Variants in CACNA1B observed in about 807,000 individuals in gnomAD.
CACNA1B encodes the protein voltage-dependent N-type calcium channel subunit alpha-1B.
In CACNA1B, 70 loss-of-function variants were observed where a neutral mutation model predicts 247.2. That is an observed-to-expected ratio of 0.28 (90% CI 0.23 to 0.35). The LOEUF (loss-of-function observed/expected upper bound fraction) is 0.35, where lower values mean the gene tolerates loss of function less well. Ranked by LOEUF, CACNA1B falls within the 10% of genes least tolerant of loss-of-function variation. The pLI is 1.00. For missense variants in CACNA1B, 2,367 were observed against 3,197.4 expected, an observed-to-expected ratio of 0.74 and a Z score of 6.26; for synonymous variants, 1,231 against 1,294.4, an observed-to-expected ratio of 0.95 and a Z score of 1.05.
rs201523224 is a variant in CACNA1B, at chr9:138,059,032, C to T, written c.4474-47C>T. 4 of 1,189,396 alleles carry T rather than the reference C, an allele frequency of 3.4e-6. No homozygotes were observed. The highest frequency in any genetic ancestry group is 5.0e-6 in the Non-Finnish European group (4 of 802,696). 73.7% of individuals were successfully genotyped at this position (1,189,396 alleles called of 1,614,324 possible). A position where few individuals can be genotyped will look rare whatever the true frequency, so the allele number is the denominator to read the frequency against. ...GTCATAGTGGTCCCAGATGGGGTGT[C>T]TTGGGGCTGCCAAACCCATGGCCAA... On this transcript the variant is annotated intron_variant, in intron 29 of 46. Transcript: ENST00000371372. This position sits in a 1 kb window ranked among gnomAD's most constrained non-coding sequence, Gnocchi z 4.2.
chr9:137,986,695 G>A lies in CACNA1B; in HGVS notation c.1902-87G>A, dbSNP rs1436377270. The A allele has an allele frequency of 3.3e-5, 46 of 1,393,986 alleles. No individual in the cohort carries two copies. The highest frequency in any genetic ancestry group is 4.4e-5 in the Non-Finnish European group (43 of 980,736). The allele number at this position is 1,393,986 out of a possible 1,614,324, so 86.4% of individuals were successfully genotyped here. ...TGTGCAGCCATCTGCAGCCTGAAGC[G>A]AGCAGGTTGAGGCCACGCTGGAGCC... On this transcript the variant is annotated intron_variant, in intron 14 of 46. Transcript: ENST00000371372. This position sits in a 1 kb window ranked among gnomAD's most constrained non-coding sequence, Gnocchi z 6.0.
At chr9:137,999,622 A>T (rs1958541195) in intron 15 of CACNA1B, among the ~76,000 whole-genome samples, 1 of 152,022 alleles carries the variant, frequency 6.6e-6, no homozygotes, top group Non-Finnish European at 1.5e-5. Context: ...TGGTCCTCCC[A>T]CCTCAGTCTC....
At chr9:137,934,182 G>A (rs1957638263) in intron 6 of CACNA1B, among the ~76,000 whole-genome samples, 1 of 152,194 alleles carries the variant, frequency 6.6e-6, no homozygotes, top group South Asian at 2.1e-4. Context: ...TGTTCCCACA[G>A]GTTCACAGGT....
intron 3 of CACNA1B, among the ~76,000 whole-genome samples, chr9:137,893,012 T>C (rs1776236064): frequency 6.6e-6 from 1 of 152,194 alleles, no homozygotes; most frequent in African/African-American, 2.4e-5. Context: ...ACTCCGTGTC[T>C]CGCCTGGTGC....
chr9:137,992,713 A>G (rs9969853), intron 15 of CACNA1B, among the ~76,000 whole-genome samples: 1,677 of 152,102 alleles, frequency 0.011, 10 homozygotes, highest in African/African-American at 0.014. Context: ...CGGGAAATTT[A>G]AAAAAATCTA....
chr9:138,042,884 ACT>A (rs1959142681), intron 20 of CACNA1B, among the ~76,000 whole-genome samples: 1 of 151,672 alleles, frequency 6.6e-6, no homozygotes, highest in African/African-American at 2.4e-5. Context: ...TGCTTCTTAA[ACT>A]CCTATTTGCT....
At chr9:137,922,028 T>TGC (rs1417205356) in intron 6 of CACNA1B, among the ~76,000 whole-genome samples, 3 of 138,918 alleles carry the variant, frequency 2.2e-5, no homozygotes, top group Admixed American at 7.2e-5. Flanking sequence ...GAATAAAGCA[T>TGC]TCGGAGAACA....
chr9:138,008,214 C>A (rs1249591274), intron 16 of CACNA1B, among the ~76,000 whole-genome samples: 1 of 152,210 alleles, frequency 6.6e-6, no homozygotes, highest in Admixed American at 6.5e-5. Context: ...GGGACGGAAG[C>A]CTCAGACAGG....
In CACNA1B at chr9:137,977,513, A is replaced by C. The variant is rs1415934679; in HGVS notation, c.1656+1494A>C. ...GGAGGCCTTGGAGGCAGTGTGTTTC[A>C]CAGCTTACCATGACAGCTGAGCACA... On this transcript the variant is annotated intron_variant, in intron 12 of 46. Transcript: ENST00000371372. 5.4e-3 allele frequency among the ~76,000 whole-genome samples: 448 copies of C among 83,708 alleles called. 2 individuals are homozygous for C. The highest frequency in any genetic ancestry group is 0.011 in the Middle Eastern group (1 of 88). The allele number at this position is 83,708 out of a possible 152,430, so 54.9% of individuals were successfully genotyped here. A position where few individuals can be genotyped will look rare whatever the true frequency, so the allele number is the denominator to read the frequency against.
intron 31 of CACNA1B, among the ~76,000 whole-genome samples, chr9:138,060,796 T>C (rs1318258641): frequency 6.6e-6 from 1 of 152,232 alleles, no homozygotes; most frequent in African/African-American, 2.4e-5. Flanking sequence ...GTGCTGGTCA[T>C]GGTCTCTGGG....
Position 138,012,714 on chromosome 9 carries a change from TA to T in CACNA1B, c.2161-401del, listed in dbSNP as rs1234995951. On this transcript the variant is annotated intron_variant, in intron 17 of 46. Coordinates refer to ENST00000371372, the MANE Select transcript of CACNA1B (RefSeq NM_000718.4). This position sits in a 1 kb window ranked among gnomAD's most constrained non-coding sequence, Gnocchi z 4.2. The stretch of plus-strand genomic sequence containing the variant: ...GGGTGACAGAGCGAGACCCTGTCTC[TA>T]AAAAAAAAAAAAACAAATAACAAAA... Among the ~76,000 whole-genome samples, 346 of 132,288 alleles carry T rather than the reference TA, an allele frequency of 2.6e-3. 1 individual carries two copies. The highest frequency in any genetic ancestry group is 3.8e-3 in the South Asian group (16 of 4,160). 86.8% of individuals were successfully genotyped at this position (132,288 alleles called of 152,430 possible).
rs1255107839 is a variant in CACNA1B, at chr9:138,077,030, A to G, written c.4950-1084A>G. On this transcript the variant is annotated intron_variant, in intron 35 of 46. Coordinates refer to ENST00000371372, the MANE Select transcript of CACNA1B (RefSeq NM_000718.4). ...TCTGCCTCATGCCGCGGAAGACTTAAGGCAAACCTATGAAGTCAGCCTTAG... is the reference window on the plus strand; with the variant it reads ...TCTGCCTCATGCCGCGGAAGACTTAGGGCAAACCTATGAAGTCAGCCTTAG... Among the ~76,000 whole-genome samples, 3 of 152,246 alleles carry G rather than the reference A, an allele frequency of 2.0e-5. No individual in the cohort carries two copies. The East Asian group carries it at 5.8e-4, about 29-fold the overall frequency.
In CACNA1B at chr9:138,114,278, G is replaced by A. The variant is rs1023651303; in HGVS notation, c.5537-100G>A. 4 of 660,708 alleles carry A rather than the reference G, an allele frequency of 6.1e-6. No homozygotes were observed. In the African/African-American group the frequency reaches 7.1e-5, roughly 12 times the overall value. 40.9% of individuals were successfully genotyped at this position (660,708 alleles called of 1,614,324 possible). A position where few individuals can be genotyped will look rare whatever the true frequency, so the allele number is the denominator to read the frequency against. ...GCATTTCCAGGAGTCTTTGTGGGGG[G>A]CGAGGGAGGGGCGGCTGTTTCCTCA... On this transcript the variant is annotated intron_variant, in intron 40 of 46. Coordinates refer to ENST00000371372, the MANE Select transcript of CACNA1B (RefSeq NM_000718.4).
At chr9:138,098,431 G>T (rs563911216) in intron 37 of CACNA1B, among the ~76,000 whole-genome samples, 1 of 152,160 alleles carries the variant, frequency 6.6e-6, no homozygotes, top group African/African-American at 2.4e-5. Flanking sequence ...TTTTCTGGGT[G>T]TATTTTTTCT....
intron 3 of CACNA1B, among the ~76,000 whole-genome samples, chr9:137,904,302 C>T (rs916388571): frequency 3.4e-5 from 5 of 145,286 alleles, no homozygotes; most frequent in Admixed American, 6.9e-5. Context: ...ATTAGCATTT[C>T]TTTCTTTCAA....
chr9:138,084,183 C>A (rs991477742), intron 36 of CACNA1B, among the ~76,000 whole-genome samples: 2 of 151,224 alleles, frequency 1.3e-5, no homozygotes, highest in African/African-American at 4.9e-5. Context: ...CCCCAGGGAG[C>A]AAACCTGTAC....
Position 137,882,610 on chromosome 9 carries a change from G to A in CACNA1B, c.391-134G>A. On this transcript the variant is annotated intron_variant, in intron 2 of 46. Transcript: ENST00000371372. The surrounding 1 kb of genome is among the most constrained non-coding windows in gnomAD (Gnocchi z 4.0). ...TTGGAGAATCTGCAGGGTGTTGGGG[G>A]CAAGGTGAGGAGGGTCAGACCCTCA... 3.2e-6 allele frequency: 3 copies of A among 949,528 alleles called. No individual in the cohort carries two copies. Among genetic ancestry groups the A allele is most frequent in the Non-Finnish European group, 4.8e-6 (3 of 628,108 alleles). 58.8% of individuals were successfully genotyped at this position (949,528 alleles called of 1,614,324 possible).
Position 137,914,301 on chromosome 9 carries a change from T to C in CACNA1B, c.623-353T>C, listed in dbSNP as rs978576075. Among the ~76,000 whole-genome samples, 1 of 152,136 alleles carries C rather than the reference T, an allele frequency of 6.6e-6. No individual in the cohort carries two copies. The highest frequency in any genetic ancestry group is 1.5e-5 in the Non-Finnish European group (1 of 68,020). ...GCTCTTCCTTCTCAGGATTTCATTC[T>C]CTTTCCTCTCAGGATTCTCTGTTGC... On this transcript the variant is annotated intron_variant, in intron 4 of 46. Transcript: ENST00000371372. The surrounding 1 kb of genome is among the most constrained non-coding windows in gnomAD (Gnocchi z 4.3).
At chr9:137,989,956 C>T (rs1352851311) in intron 15 of CACNA1B, among the ~76,000 whole-genome samples, 2 of 152,214 alleles carry the variant, frequency 1.3e-5, no homozygotes, top group Admixed American at 6.5e-5. Context: ...GAAGGACTAG[C>T]TTGCAGCTCC....
Sources: gnomAD v4.1 joint callset for allele counts (sites outside exome capture counted in the v4.1 genomes callset) on GRCh38, gnomAD v4.1.1 for gene constraint, Gnocchi (gnomAD v3.1) non-coding constraint, MANE v1.5 for transcripts, NCBI Gene and HGNC (gene_info 2026-07-23, HGNC 2026-07-21) for gene names.